The following TTC4 variants were observed in gnomAD, a reference collection of about 807,000 sequenced individuals.
The protein encoded by TTC4 is tetratricopeptide repeat domain 4.
TTC4 carries 36 observed loss-of-function variants against 51.9 expected under a neutral mutation model. The ratio of observed to expected loss-of-function variants is 0.69; its 90% CI spans 0.53 to 0.92. The LOEUF is 0.92. Ranked by LOEUF, TTC4 falls within the 40% of genes least tolerant of loss-of-function variation. The probability of loss-of-function intolerance (pLI) is 0.00; values close to 1 mark genes in which losing one functional copy is unlikely to be tolerated. For missense variants in TTC4, 399 were observed against 454.6 expected, an observed-to-expected ratio of 0.88 and a Z score of 1.11; for synonymous variants, 144 against 164.2, an observed-to-expected ratio of 0.88 and a Z score of 0.94.
At chr1:54,723,704 C>T (rs1227016681) in intron 5 of TTC4, among the ~76,000 whole-genome samples, 1 of 152,142 alleles carries the variant, frequency 6.6e-6, no homozygotes, top group South Asian at 2.1e-4. Flanking sequence ...CCTTATAGGG[C>T]TATTATATAG....
At chr1:54,721,068 A>G in intron 3 of TTC4, 95 bp from the exon 4 acceptor site, 6 of 1,164,576 alleles carry the variant, frequency 5.2e-6, no homozygotes, top group Non-Finnish European at 7.5e-6. Context: ...GTATTTCCCC[A>G]GGATTGTACA....
intron 3 of TTC4, among the ~76,000 whole-genome samples, chr1:54,718,468 C>T (rs114695537): frequency 0.012 from 1,826 of 151,790 alleles, 38 homozygotes; most frequent in African/African-American, 0.041. Context: ...GGGCTGGTCT[C>T]GAAATTGGGC....
intron 3 of TTC4, among the ~76,000 whole-genome samples, chr1:54,718,509 A>G (rs1036056737): frequency 6.6e-6 from 1 of 151,944 alleles, no homozygotes; most frequent in Non-Finnish European, 1.5e-5. Context: ...AGCCTCCCAA[A>G]GTATTGGAAT....
At chr1:54,734,784 C>T (rs2101354703) in intron 8 of TTC4, among the ~76,000 whole-genome samples, 1 of 152,228 alleles carries the variant, frequency 6.6e-6, no homozygotes, top group Non-Finnish European at 1.5e-5. Flanking sequence ...TTACCTTTTT[C>T]TAACATTTGA....
chr1:54,722,681 T>A lies in TTC4; in HGVS notation c.476T>A (p.Leu159Ter). Residue 159 changes from leucine to a stop codon, truncating the protein, a stop_gained, in exon 5 of 10, where the codon TTA (leucine) becomes TAA (stop). Coordinates refer to ENST00000371281, the MANE Select transcript of TTC4 (RefSeq NM_004623.5). LOFTEE classifies it high-confidence loss of function. ...AGGGTTCTGGGTTCTGCAGGTGCCTTATGCCATCTGGAACTGAAACACTTT... is the reference window on the plus strand; with the variant it reads ...AGGGTTCTGGGTTCTGCAGGTGCCTAATGCCATCTGGAACTGAAACACTTT... ...CHLKAIIRGA[L>*]CHLELKHFAE... 6.2e-7 allele frequency: 1 copy of A among 1,613,870 alleles called. No homozygotes were observed. The highest frequency in any genetic ancestry group is 8.5e-7 in the Non-Finnish European group (1 of 1,179,828).
At chr1:54,725,789 G>T (rs1645792378) in intron 5 of TTC4, among the ~76,000 whole-genome samples, 1 of 152,146 alleles carries the variant, frequency 6.6e-6, no homozygotes, top group Admixed American at 6.5e-5. Flanking sequence ...TTACTAAAAA[G>T]AACTTAACAG....
intron 4 of TTC4, 127 bp from the exon 5 acceptor site, chr1:54,722,548 G>A (rs1645754586): frequency 7.5e-7 from 1 of 1,334,008 alleles, no homozygotes; most frequent in Admixed American, 2.3e-5. Flanking sequence ...TGCAGTATAA[G>A]GGGCATTATC....
chr1:54,739,036 A>ATTT (rs1557754992), intron 9 of TTC4, among the ~76,000 whole-genome samples: 5 of 133,622 alleles, frequency 3.7e-5, no homozygotes, highest in African/African-American at 1.6e-4. Flanking sequence ...TCTTATTTTG[A>ATTT]ATTTTTTTTT....
At chr1:54,727,900 C>T (rs1645820642) in intron 5 of TTC4, among the ~76,000 whole-genome samples, 1 of 152,106 alleles carries the variant, frequency 6.6e-6, no homozygotes, top group Non-Finnish European at 1.5e-5. Context: ...TGTTCAACAT[C>T]ATTAATAATT....
intron 6 of TTC4, 91 bp from the exon 7 acceptor site, chr1:54,731,395 A>G (rs1014453108): frequency 8.3e-7 from 1 of 1,205,110 alleles, no homozygotes; most frequent in African/African-American, 1.6e-5. Flanking sequence ...TTAGCCAGGC[A>G]TTATGGTTTC....
At position 54,738,975 on chromosome 1, in the gene TTC4, T is replaced by A. The variant is rs139421670; in HGVS notation, c.1061+1311T>A. ...TGCACCCGGCCAGCCTTCCTTTTCCTAATCGTACCTATACCTATGTCTCCT... is the reference window on the plus strand; with the variant it reads ...TGCACCCGGCCAGCCTTCCTTTTCCAAATCGTACCTATACCTATGTCTCCT... On this transcript the variant is annotated intron_variant, in intron 9 of 9. Coordinates refer to ENST00000371281, the MANE Select transcript of TTC4 (RefSeq NM_004623.5). Among the ~76,000 whole-genome samples the A allele has an allele frequency of 8.0e-3, 1,215 of 152,142 alleles. 11 individuals are homozygous for A. Among genetic ancestry groups the A allele is most frequent in the Non-Finnish European group, 0.012 (830 of 67,998 alleles).
At chr1:54,732,269 C>T (rs1645874984) in intron 7 of TTC4, among the ~76,000 whole-genome samples, 2 of 144,834 alleles carry the variant, frequency 1.4e-5, no homozygotes, top group East Asian at 2.1e-4. Context: ...TGCAGTGAGC[C>T]GAGATCATGC....
chr1:54,728,454 T>A, intron 6 of TTC4, 22 bp downstream of exon 6: 1 of 1,604,262 alleles, frequency 6.2e-7, no homozygotes, highest in Non-Finnish European at 8.5e-7. Flanking sequence ...AACCTTAGGT[T>A]TTTATGGTCC....
At chr1:54,739,725 C>T (rs906955535) in intron 9 of TTC4, among the ~76,000 whole-genome samples, 1 of 152,116 alleles carries the variant, frequency 6.6e-6, no homozygotes, top group Non-Finnish European at 1.5e-5. Context: ...TAAAAGAGCC[C>T]AATGTATTAG....
chr1:54,735,016 C>T (rs966514811), intron 8 of TTC4, among the ~76,000 whole-genome samples: 5 of 152,066 alleles, frequency 3.3e-5, no homozygotes, highest in Admixed American at 1.3e-4. Flanking sequence ...GTGATCATGT[C>T]CCCTTAGTCT....
intron 7 of TTC4, among the ~76,000 whole-genome samples, chr1:54,733,321 A>G (rs190099213): frequency 6.6e-6 from 1 of 152,054 alleles, no homozygotes; most frequent in Non-Finnish European, 1.5e-5. Flanking sequence ...GCAGGAGGCT[A>G]AGGTAGAGGA....
rs74591521 is a variant in TTC4, at chr1:54,729,169, C to T, written c.681+737C>T. On this transcript the variant is annotated intron_variant, in intron 6 of 9. Coordinates refer to ENST00000371281, the MANE Select transcript of TTC4 (RefSeq NM_004623.5). The stretch of plus-strand genomic sequence containing the variant: ...ACTCACAGGTGGGTATCATCTACAG[C>T]GTGGATGTGCTGGCCAAAGAGCAGA... Among the ~76,000 whole-genome samples the T allele has an allele frequency of 0.012, 1,794 of 152,258 alleles. 96 individuals carry two copies. The East Asian group carries it at 0.14, about 12-fold the overall frequency.
At position 54,741,889 on chromosome 1, in the gene TTC4, C is replaced by CGGTGA; in HGVS notation, c.*376_*377insGGTGA. 9.5e-6 allele frequency: 2 copies of CGGTGA among 210,366 alleles called. No homozygotes were observed. The highest frequency in any genetic ancestry group is 1.1e-4 in the South Asian group (1 of 9,502). 13.0% of individuals were successfully genotyped at this position (210,366 alleles called of 1,614,324 possible). On this transcript the variant is annotated 3_prime_UTR_variant, in exon 10 of 10. Transcript: ENST00000371281. ...GGAGTTTGACACCTTAGAGAAGCTA[C>CGGTGA]CCCTCAAACTGCACATCTACACACA...
intron 9 of TTC4, among the ~76,000 whole-genome samples, chr1:54,738,206 C>G (rs1272707539): frequency 6.6e-6 from 1 of 152,170 alleles, no homozygotes; most frequent in Non-Finnish European, 1.5e-5. Flanking sequence ...CGGTCAAAAA[C>G]TCCCATTTTT....
Sources: gnomAD v4.1 joint callset for allele counts (sites outside exome capture counted in the v4.1 genomes callset) on GRCh38, gnomAD v4.1.1 for gene constraint, MANE v1.5 for transcripts, NCBI Gene and HGNC (gene_info 2026-07-23, HGNC 2026-07-21) for gene names.